TENM4: variants seen among roughly 807,000 people sequenced by gnomAD.
TENM4 encodes the protein teneurin-4.
A neutral mutation model predicts 243.3 loss-of-function variants in TENM4; 82 were observed. The observed-to-expected ratio is 0.34, with a 90% CI of 0.28 to 0.40. TENM4 has a LOEUF of 0.40. Ranked by LOEUF, TENM4 falls within the 10% of genes least tolerant of loss-of-function variation. The pLI is 1.00. For missense variants in TENM4, 3,138 were observed against 3,673.3 expected, an observed-to-expected ratio of 0.85 and a Z score of 3.77; for synonymous variants, 1,412 against 1,456.3, an observed-to-expected ratio of 0.97 and a Z score of 0.69.
At position 78,665,921 on chromosome 11, in the gene TENM4, C is replaced by T. The variant is rs528265078; in HGVS notation, c.7408+3016G>A. On this transcript the variant is annotated intron_variant, in intron 32 of 33. Transcript: ENST00000278550. ...TCCACCTAAGGGGTTGGCATGTGAC[C>T]TAGGCTAAGCCAATCAGTGCATTCT... Among the ~76,000 whole-genome samples, 3 of 152,274 alleles carry T rather than the reference C, an allele frequency of 2.0e-5. No homozygotes were observed. In the East Asian group the frequency reaches 5.8e-4, roughly 29 times the overall value.
chr11:78,729,493 C>T lies in TENM4; in HGVS notation c.3289G>A (p.Val1097Met). ...NLMKVHLMVA[V>M]EGRLFRKWFA... ...CACTTCCTGAAGAGGCGGCCCTCCA[C>T]CGCTACCATGAGGTGCACCTTCATG... Residue 1097 changes from valine (V) to methionine (M), a missense_variant, in exon 22 of 34, where the codon GTG (valine) becomes ATG (methionine). Around this residue, in one of 2 missense-constraint regions of TENM4, gnomAD observed 2,467 missense variants for 3,059.1 expected, o/e 0.81. Coordinates refer to ENST00000278550, the MANE Select transcript of TENM4 (RefSeq NM_001098816.3). The T allele has an allele frequency of 6.2e-7, 1 of 1,613,668 alleles. No homozygotes were observed. Among genetic ancestry groups the T allele is most frequent in the Non-Finnish European group, 8.5e-7 (1 of 1,179,780 alleles).
Position 79,135,937 on chromosome 11 carries a change from T to C in TENM4, c.-66+12773A>G, listed in dbSNP as rs187534818. Among the ~76,000 whole-genome samples the C allele has an allele frequency of 3.0e-3, 451 of 151,722 alleles. 3 individuals carry two copies. The highest frequency in any genetic ancestry group is 5.5e-3 in the Non-Finnish European group (375 of 67,926). ...TATTCTAAGTGAAGAAACTCAGGAA[T>C]GGAAAACCAAACATTGTATGTTCTC... On this transcript the variant is annotated intron_variant, in intron 4 of 33. Transcript: ENST00000278550.
chr11:79,003,166 C>T (rs1858378151), intron 6 of TENM4, among the ~76,000 whole-genome samples: 1 of 151,962 alleles, frequency 6.6e-6, no homozygotes, highest in Non-Finnish European at 1.5e-5. Context: ...TGTAAAGAGG[C>T]CAAATCTGTA....
At chr11:78,745,227 CTTT>C (rs1783943) in intron 19 of TENM4, among the ~76,000 whole-genome samples, 11 of 128,040 alleles carry the variant, frequency 8.6e-5, no homozygotes, top group Non-Finnish European at 1.2e-4. Context: ...TTTTCTTTTT[CTTT>C]TTTTTTTTTT....
chr11:79,252,658 T>C (rs1855632029), intron 2 of TENM4, among the ~76,000 whole-genome samples: 1 of 152,208 alleles, frequency 6.6e-6, no homozygotes, highest in Non-Finnish European at 1.5e-5. Flanking sequence ...CCTCGTGCCC[T>C]TTGCCCTGGA....
intron 2 of TENM4, among the ~76,000 whole-genome samples, chr11:79,218,654 A>G (rs1590803436): frequency 6.6e-6 from 1 of 152,268 alleles, no homozygotes; most frequent in East Asian, 1.9e-4. Flanking sequence ...ATCCTTGCCA[A>G]GGCTTCAGGG....
intron 1 of TENM4, among the ~76,000 whole-genome samples, chr11:79,378,030 T>C (rs1347910720): frequency 6.6e-6 from 1 of 152,198 alleles, no homozygotes; most frequent in Non-Finnish European, 1.5e-5. Context: ...TCATCATCTT[T>C]ACTCTCCGTG....
intron 3 of TENM4, among the ~76,000 whole-genome samples, chr11:79,200,096 T>G (rs1863709147): frequency 1.3e-5 from 2 of 152,220 alleles, no homozygotes. Flanking sequence ...TCTTCTCGCC[T>G]TCTCTCCTGG....
At chr11:79,037,227 G>A (rs78904977) in intron 6 of TENM4, among the ~76,000 whole-genome samples, 1,617 of 152,226 alleles carry the variant, frequency 0.011, 22 homozygotes, top group African/African-American at 0.036. Context: ...GGTCCCTTTA[G>A]GAGGCTCTCT....
intron 6 of TENM4, among the ~76,000 whole-genome samples, chr11:79,013,620 G>A (rs893043057): frequency 5.9e-5 from 9 of 152,206 alleles, no homozygotes; most frequent in Admixed American, 3.3e-4. Flanking sequence ...GCTCCTGGAA[G>A]GCTGGATGAA....
chr11:78,932,281 A>C (rs1449874439), intron 6 of TENM4, among the ~76,000 whole-genome samples: 1 of 152,210 alleles, frequency 6.6e-6, no homozygotes, highest in Non-Finnish European at 1.5e-5. Context: ...CCCAGGTTGT[A>C]GGAGCTCCAG....
At chr11:79,012,270 T>G (rs1047708060) in intron 6 of TENM4, among the ~76,000 whole-genome samples, 1 of 152,216 alleles carries the variant, frequency 6.6e-6, no homozygotes, top group Admixed American at 6.5e-5. Context: ...GCCTCATGTC[T>G]GCAATTAGAT....
At position 78,812,326 on chromosome 11, in the gene TENM4, C is replaced by T. The variant is rs1009392530; in HGVS notation, c.1784-10G>A. ...AGCACGGGGCAGGAGGCTGGGGAGA[C>T]AGCACCGGAGTCTGGCATGAATCAA... On this transcript the variant is annotated splice_polypyrimidine_tract_variant and intron_variant, in intron 13 of 33. Transcript: ENST00000278550. 4.5e-6 allele frequency: 7 copies of T among 1,549,548 alleles called. No individual in the cohort carries two copies. Among genetic ancestry groups the T allele is most frequent in the African/African-American group, 4.1e-5 (3 of 73,022 alleles).
chr11:78,970,986 T>C (rs1363023072), intron 6 of TENM4, among the ~76,000 whole-genome samples: 5 of 152,050 alleles, frequency 3.3e-5, no homozygotes, highest in Admixed American at 2.6e-4. Context: ...AATTAGCATA[T>C]ATAGTTCTTT....
At chr11:79,413,679 GA>G (rs927116358) in intron 1 of TENM4, among the ~76,000 whole-genome samples, 74 of 150,220 alleles carry the variant, frequency 4.9e-4, no homozygotes, top group Middle Eastern at 3.4e-3. Flanking sequence ...TAGTTTAGGA[GA>G]AAAAAAAAGC....
chr11:79,340,996 A>C (rs571079259), intron 1 of TENM4, among the ~76,000 whole-genome samples: 5 of 152,188 alleles, frequency 3.3e-5, no homozygotes, highest in Non-Finnish European at 7.4e-5. Flanking sequence ...ATAAGAGGAC[A>C]GTGAGAGACT....
chr11:78,687,047 C>T (rs7104974), intron 29 of TENM4, among the ~76,000 whole-genome samples: 13 of 152,268 alleles, frequency 8.5e-5, no homozygotes, highest in South Asian at 6.2e-4. Flanking sequence ...CTAAAGAGAT[C>T]GACTGAGCAG....
intron 4 of TENM4, among the ~76,000 whole-genome samples, chr11:79,136,115 A>T (rs561618984): frequency 6.6e-6 from 1 of 152,172 alleles, no homozygotes; most frequent in South Asian, 2.1e-4. Flanking sequence ...AGTGCACCAA[A>T]ATCTCACAAA....
At chr11:79,400,762 T>C (rs1010455345) in intron 1 of TENM4, among the ~76,000 whole-genome samples, 2 of 152,218 alleles carry the variant, frequency 1.3e-5, no homozygotes, top group African/African-American at 4.8e-5. Flanking sequence ...AATTGAAGTT[T>C]GCAATTGTCA....
Sources: gnomAD v4.1 joint callset for allele counts (sites outside exome capture counted in the v4.1 genomes callset) on GRCh38, gnomAD v4.1.1 for gene constraint, gnomAD v4.1.1 regional missense constraint, MANE v1.5 for transcripts, NCBI Gene and HGNC (gene_info 2026-07-23, HGNC 2026-07-21) for gene names.